The following SBF2 variants were observed in gnomAD, a reference collection of about 807,000 sequenced individuals.
The protein encoded by SBF2 is SET binding factor 2.
In SBF2, 112 loss-of-function variants were observed where a neutral mutation model predicts 225.2. The ratio of observed to expected loss-of-function variants is 0.50; its 90% CI spans 0.43 to 0.58. SBF2 has a LOEUF of 0.58. Ranked by LOEUF, SBF2 falls within the 20% of genes least tolerant of loss-of-function variation. SBF2 has a pLI of 0.00. For missense variants in SBF2, 1,996 were observed against 2,206.2 expected (o/e 0.90, Z 1.91); for synonymous variants, 763 against 773.3 (o/e 0.99, Z 0.22).
At chr11:10,071,318 G>A (rs1050996042) in intron 2 of SBF2, among the ~76,000 whole-genome samples, 5 of 145,918 alleles carry the variant, frequency 3.4e-5, no homozygotes, top group Non-Finnish European at 6.0e-5. Context: ...CCAGGCTGGA[G>A]TGTGGTGGCG....
In SBF2 at chr11:9,920,121, G is replaced by A. The variant is rs1009426469; in HGVS notation, c.1861-24110C>T. ...GAAATAAGACTCAGTAAGTTGCCAG[G>A]TATACTGGGAGAGTACAGCAACTAC... On this transcript the variant is annotated intron_variant, in intron 16 of 39. Coordinates refer to ENST00000256190, the MANE Select transcript of SBF2 (RefSeq NM_030962.4). Among the ~76,000 whole-genome samples the A allele has an allele frequency of 5.9e-5, 9 of 151,394 alleles. No homozygotes were observed. In the South Asian group the frequency reaches 1.7e-3, roughly 28 times the overall value.
At chr11:9,966,717 T>C (rs778417694) in intron 14 of SBF2, among the ~76,000 whole-genome samples, 80 of 152,162 alleles carry the variant, frequency 5.3e-4, no homozygotes, top group Non-Finnish European at 1.0e-3. Flanking sequence ...AAAAGGCAAA[T>C]AGCCCAATTT....
At chr11:9,981,422 A>G (rs1420834069) in intron 13 of SBF2, among the ~76,000 whole-genome samples, 1 of 152,224 alleles carries the variant, frequency 6.6e-6, no homozygotes, top group Non-Finnish European at 1.5e-5. Flanking sequence ...CCCAGCTAAC[A>G]AATCTGCACA....
At chr11:9,796,509 G>C (rs1394608966) in intron 32 of SBF2, among the ~76,000 whole-genome samples, 1 of 152,204 alleles carries the variant, frequency 6.6e-6, no homozygotes, top group Non-Finnish European at 1.5e-5. Flanking sequence ...GAAGGTGGCT[G>C]CTTAAGGGGA....
intron 30 of SBF2, among the ~76,000 whole-genome samples, chr11:9,810,095 G>C (rs1275863502): frequency 1.3e-5 from 2 of 152,056 alleles, no homozygotes; most frequent in African/African-American, 4.8e-5. Context: ...GGGCAACATG[G>C]CAAAACCCCA....
intron 17 of SBF2, among the ~76,000 whole-genome samples, chr11:9,892,556 A>G (rs569887194): frequency 6.7e-6 from 1 of 150,166 alleles, no homozygotes; most frequent in East Asian, 1.9e-4. Context: ...AAATATATAT[A>G]TATATATAAT....
intron 1 of SBF2, among the ~76,000 whole-genome samples, chr11:10,221,473 T>C (rs1958338071): frequency 6.6e-6 from 1 of 152,126 alleles, no homozygotes. Context: ...CACTTTACAA[T>C]AGTGATATTC....
At chr11:10,146,080 C>T (rs532812961) in intron 2 of SBF2, among the ~76,000 whole-genome samples, 1 of 152,080 alleles carries the variant, frequency 6.6e-6, no homozygotes, top group Non-Finnish European at 1.5e-5. Context: ...AGAGATGACA[C>T]AAACAAATGG....
At chr11:10,138,888 C>T in intron 2 of SBF2, among the ~76,000 whole-genome samples, 1 of 152,114 alleles carries the variant, frequency 6.6e-6, no homozygotes, top group Admixed American at 6.6e-5. Flanking sequence ...CATTTGAAAA[C>T]ACTGTATTCT....
intron 30 of SBF2, among the ~76,000 whole-genome samples, chr11:9,811,801 G>T: frequency 6.6e-6 from 1 of 151,792 alleles, no homozygotes; most frequent in Non-Finnish European, 1.5e-5. Context: ...GCAGGGGACT[G>T]GGAATTTCTG....
At chr11:9,943,731 C>A (rs970482675) in intron 16 of SBF2, among the ~76,000 whole-genome samples, 2 of 152,028 alleles carry the variant, frequency 1.3e-5, no homozygotes, top group Non-Finnish European at 2.9e-5. Context: ...ATTTTTAATA[C>A]TAAAAGTTGG....
chr11:9,959,145 G>T, intron 16 of SBF2: 1 of 923,514 alleles, frequency 1.1e-6, no homozygotes, highest in East Asian at 2.4e-5. Context: ...AGATGAAACA[G>T]GTCACCCAGA....
chr11:9,824,056 G>A (rs1300787935), intron 28 of SBF2, among the ~76,000 whole-genome samples: 1 of 152,210 alleles, frequency 6.6e-6, no homozygotes, highest in African/African-American at 2.4e-5. Flanking sequence ...AAGGGTGTCA[G>A]AAATAATATT....
chr11:10,182,205 C>G (rs1051802784), intron 2 of SBF2, among the ~76,000 whole-genome samples: 3 of 151,970 alleles, frequency 2.0e-5, no homozygotes, highest in Non-Finnish European at 4.4e-5. Flanking sequence ...ATGTATAATT[C>G]GACAAAAAGC....
chr11:9,938,669 T>G (rs1472093932), intron 16 of SBF2, among the ~76,000 whole-genome samples: 1 of 152,138 alleles, frequency 6.6e-6, no homozygotes, highest in Non-Finnish European at 1.5e-5. Context: ...ATTTAATAAA[T>G]TTTGCCAGAA....
intron 1 of SBF2, among the ~76,000 whole-genome samples, chr11:10,232,100 T>A (rs1327473979): frequency 6.6e-6 from 1 of 152,212 alleles, no homozygotes; most frequent in Admixed American, 6.5e-5. Context: ...CATAGGACCC[T>A]CCGAGCCAGG....
At position 10,151,148 on chromosome 11, in the gene SBF2, C is replaced by T. The variant is rs961280341; in HGVS notation, c.141+42754G>A. ...ACACAGTCTCTTGCCTTCAGGGACG[C>T]AATAACATTTGAAAACATCTATGCA... On this transcript the variant is annotated intron_variant, in intron 2 of 39. Coordinates refer to ENST00000256190, the MANE Select transcript of SBF2 (RefSeq NM_030962.4). Among the ~76,000 whole-genome samples the T allele has an allele frequency of 6.6e-4, 101 of 152,254 alleles. 1 individual carries two copies. The highest frequency in any genetic ancestry group is 2.3e-3 in the African/African-American group (97 of 41,552).
At chr11:10,037,397 C>T (rs185521648) in intron 3 of SBF2, among the ~76,000 whole-genome samples, 5 of 152,218 alleles carry the variant, frequency 3.3e-5, no homozygotes, top group African/African-American at 4.8e-5. Context: ...CTCTAGAATG[C>T]TACCAAGTGT....
rs142106871 is a variant in SBF2 at position 10,145,087 on chromosome 11, C to T, written c.141+48815G>A. Among the ~76,000 whole-genome samples the T allele has an allele frequency of 5.8e-3, 885 of 152,250 alleles. 15 individuals carry two copies. Among genetic ancestry groups the T allele is most frequent in the African/African-American group, 0.02 (813 of 41,536 alleles). On this transcript the variant is annotated intron_variant, in intron 2 of 39. Transcript: ENST00000256190. The stretch of plus-strand genomic sequence containing the variant: ...TAGGAATTCACGTAGCACAAAGAGG[C>T]GATGGCTTGTCTTTGCTTTACAACG...
Sources: gnomAD v4.1 joint callset for allele counts (sites outside exome capture counted in the v4.1 genomes callset) on GRCh38, gnomAD v4.1.1 for gene constraint, MANE v1.5 for transcripts, NCBI Gene and HGNC (gene_info 2026-07-23, HGNC 2026-07-21) for gene names.